CNTN4: variants seen among roughly 807,000 people sequenced by gnomAD.
The protein encoded by CNTN4 is contactin-4.
In CNTN4, 77 loss-of-function variants were observed where a neutral mutation model predicts 122.5. That is an observed-to-expected ratio of 0.63 (90% confidence interval 0.52 to 0.76). CNTN4 has a LOEUF of 0.76. CNTN4 is among the 30% of genes least tolerant of loss of function. CNTN4 has a pLI of 0.00. For missense variants in CNTN4, 1,256 were observed against 1,259.1 expected, an observed-to-expected ratio of 1.00 and a Z score of 0.04; for synonymous variants, 512 against 447.0, an observed-to-expected ratio of 1.15 and a Z score of -1.83.
intron 2 of CNTN4, among the ~76,000 whole-genome samples, chr3:2,288,208 A>G (rs1650122833): frequency 6.6e-6 from 1 of 152,188 alleles, no homozygotes; most frequent in Admixed American, 6.5e-5. Context: ...ATTTACAAGA[A>G]AAGAAGTTTA....
chr3:3,041,335 A>C (rs1359016328), intron 20 of CNTN4, among the ~76,000 whole-genome samples: 1 of 152,210 alleles, frequency 6.6e-6, no homozygotes, highest in Admixed American at 6.5e-5. Flanking sequence ...AGGATTTACA[A>C]TTATTCAAAC....
At chr3:2,776,253 TTTGA>T (rs1298393907) in intron 6 of CNTN4, among the ~76,000 whole-genome samples, 1 of 139,786 alleles carries the variant, frequency 7.2e-6, no homozygotes, top group African/African-American at 2.6e-5. Context: ...TTAACAGCAA[TTTGA>T]TTGGTTATAA....
chr3:2,899,407 A>G (rs192921653), intron 10 of CNTN4, among the ~76,000 whole-genome samples: 1 of 152,218 alleles, frequency 6.6e-6, no homozygotes, highest in African/African-American at 2.4e-5. Context: ...TATTAGGTTT[A>G]CCTTGGTAGG....
intron 3 of CNTN4, among the ~76,000 whole-genome samples, chr3:2,503,425 A>G (rs2076649121): frequency 6.6e-6 from 1 of 152,162 alleles, no homozygotes; most frequent in African/African-American, 2.4e-5. Context: ...TATCGTCTTC[A>G]TCTTTATTAT....
chr3:3,022,710 C>T (rs1698403988), intron 14 of CNTN4, among the ~76,000 whole-genome samples: 1 of 152,082 alleles, frequency 6.6e-6, no homozygotes, highest in Non-Finnish European at 1.5e-5. Flanking sequence ...ATAGAAAACA[C>T]TGTAGAAAGT....
At chr3:2,506,836 T>A (rs371122962) in intron 3 of CNTN4, among the ~76,000 whole-genome samples, 2 of 152,056 alleles carry the variant, frequency 1.3e-5, no homozygotes, top group African/African-American at 4.8e-5. Context: ...GAGGCTGGAA[T>A]GAGATTTTTT....
chr3:2,297,249 A>T (rs577620184), intron 2 of CNTN4, among the ~76,000 whole-genome samples: 1 of 152,198 alleles, frequency 6.6e-6, no homozygotes, highest in Non-Finnish European at 1.5e-5. Flanking sequence ...AAAGCTTCGT[A>T]ATTTACATCT....
At chr3:2,909,822 G>T (rs889163928) in intron 12 of CNTN4, among the ~76,000 whole-genome samples, 1 of 152,050 alleles carries the variant, frequency 6.6e-6, no homozygotes, top group Non-Finnish European at 1.5e-5. Flanking sequence ...TCTAGAGTGG[G>T]GCCTGGGAAT....
At chr3:3,006,311 A>G (rs1023262108) in intron 14 of CNTN4, among the ~76,000 whole-genome samples, 1 of 152,220 alleles carries the variant, frequency 6.6e-6, no homozygotes, top group Non-Finnish European at 1.5e-5. Flanking sequence ...AGTCTTTGAC[A>G]CGTCTGGCCC....
Position 2,664,767 on chromosome 3 carries a change from C to G in CNTN4, c.56-71448C>G, listed in dbSNP as rs188093675. On this transcript the variant is annotated intron_variant, in intron 4 of 24. Coordinates refer to ENST00000418658, the MANE Select transcript of CNTN4 (RefSeq NM_175607.3). ...CAGCTTGCTTTGCAAAGGTCAGGTT[C>G]GTGTTATTCAAAGCGTGATGCTTAG... Among the ~76,000 whole-genome samples, 45 of 152,270 alleles carry G rather than the reference C, an allele frequency of 3.0e-4. 1 individual carries two copies. In the East Asian group the frequency reaches 7.1e-3, roughly 24 times the overall value.
chr3:2,480,318 T>G (rs1368316806), intron 3 of CNTN4, among the ~76,000 whole-genome samples: 1 of 151,934 alleles, frequency 6.6e-6, no homozygotes, highest in Admixed American at 6.6e-5. Context: ...AGGAAGAAAT[T>G]AAACTGCCTT....
chr3:2,134,816 C>T (rs1218872216), intron 2 of CNTN4, among the ~76,000 whole-genome samples: 2 of 152,184 alleles, frequency 1.3e-5, no homozygotes, highest in Non-Finnish European at 1.5e-5. Context: ...TTTTCTCTTA[C>T]TCAGCTTTTT....
chr3:2,728,399 T>A (rs1261598245), intron 4 of CNTN4, among the ~76,000 whole-genome samples: 3 of 152,172 alleles, frequency 2.0e-5, no homozygotes, highest in African/African-American at 7.2e-5. Flanking sequence ...TCTTGGAACA[T>A]GCTGGTGGTG....
chr3:2,479,420 T>G (rs2075922612), intron 3 of CNTN4, among the ~76,000 whole-genome samples: 2 of 152,186 alleles, frequency 1.3e-5, no homozygotes, highest in South Asian at 4.1e-4. Flanking sequence ...ACACAACTCA[T>G]GCGCCTTGAA....
intron 3 of CNTN4, among the ~76,000 whole-genome samples, chr3:2,490,166 AAACAAG>A (rs2076275947): frequency 3.9e-3 from 4 of 1,028 alleles, no homozygotes; most frequent in Admixed American, 0.032. Flanking sequence ...GAAAACAAGC[AAACAAG>A]CAAACGTGAA....
chr3:2,491,300 C>T (rs1199580543), intron 3 of CNTN4, among the ~76,000 whole-genome samples: 3 of 152,138 alleles, frequency 2.0e-5, no homozygotes, highest in Non-Finnish European at 4.4e-5. Context: ...AACTGAATTA[C>T]ACAAGAGTAA....
chr3:2,672,057 G>T (rs1335528165), intron 4 of CNTN4, among the ~76,000 whole-genome samples: 2 of 152,176 alleles, frequency 1.3e-5, no homozygotes, highest in African/African-American at 4.8e-5. Flanking sequence ...GCTACTCAGG[G>T]GTCAGGGACC....
intron 3 of CNTN4, among the ~76,000 whole-genome samples, chr3:2,382,862 T>C (rs1017467339): frequency 6.6e-6 from 1 of 152,026 alleles, no homozygotes; most frequent in African/African-American, 2.4e-5. Context: ...TCACCTGAGG[T>C]CAGGAGTTCG....
At chr3:2,648,598 C>T (rs977342441) in intron 4 of CNTN4, among the ~76,000 whole-genome samples, 2 of 152,238 alleles carry the variant, frequency 1.3e-5, no homozygotes, top group East Asian at 1.9e-4. Context: ...CACTGGCTGG[C>T]CTCTCCCCCA....
Sources: gnomAD v4.1 joint callset for allele counts (sites outside exome capture counted in the v4.1 genomes callset) on GRCh38, gnomAD v4.1.1 for gene constraint, MANE v1.5 for transcripts, NCBI Gene and HGNC (gene_info 2026-07-23, HGNC 2026-07-21) for gene names.